The following CPPED1 variants were observed in gnomAD, a reference collection of about 807,000 sequenced individuals.
CPPED1 encodes the protein calcineurin like phosphoesterase domain containing 1.
Under a neutral mutation model 28.0 loss-of-function variants are expected in CPPED1, and 28 were observed. That is an observed-to-expected ratio of 1.00 (90% CI 0.74 to 1.37). CPPED1 has a LOEUF of 1.37. Ranked by LOEUF, CPPED1 falls within the 40% of genes most tolerant of loss-of-function variation. CPPED1 has a pLI of 0.00. For synonymous variants in CPPED1, 198 were observed against 180.2 expected, an observed-to-expected ratio of 1.10 and a Z score of -0.79; for missense variants, 504 against 416.5, an observed-to-expected ratio of 1.21 and a Z score of -1.83.
intron 1 of CPPED1, among the ~76,000 whole-genome samples, chr16:12,792,518 G>A (rs977864650): frequency 1.3e-5 from 2 of 152,040 alleles, no homozygotes; most frequent in Non-Finnish European, 2.9e-5. Context: ...CATACCACAG[G>A]AATCCCCCCA....
intron 3 of CPPED1, among the ~76,000 whole-genome samples, chr16:12,681,252 G>C (rs1037450236): frequency 6.6e-6 from 1 of 152,038 alleles, no homozygotes; most frequent in South Asian, 2.1e-4. Context: ...ATTAGGTCAC[G>C]GGGGCTCTGC....
chr16:12,731,724 CTTTTT>C (rs921139794), intron 2 of CPPED1, among the ~76,000 whole-genome samples: 66 of 144,996 alleles, frequency 4.6e-4, no homozygotes, highest in African/African-American at 1.4e-3. Flanking sequence ...CTTTTTCATT[CTTTTT>C]TTTTTTTAAA....
intron 2 of CPPED1, among the ~76,000 whole-genome samples, chr16:12,730,558 G>C (rs72779061): frequency 0.017 from 2,536 of 152,276 alleles, 29 homozygotes; most frequent in Non-Finnish European, 0.025. Flanking sequence ...ATTAGCAGTG[G>C]AGTGGGTAAA....
chr16:12,683,516 T>C (rs1486772093), intron 3 of CPPED1, among the ~76,000 whole-genome samples: 1 of 152,152 alleles, frequency 6.6e-6, no homozygotes, highest in African/African-American at 2.4e-5. Flanking sequence ...GGACCTCTCT[T>C]CTGGACATCC....
intron 2 of CPPED1, among the ~76,000 whole-genome samples, chr16:12,711,469 TG>T (rs894325770): frequency 2.6e-5 from 4 of 152,170 alleles, no homozygotes; most frequent in Admixed American, 6.5e-5. Context: ...ACACTTAAAA[TG>T]GTTAAGGTGG....
At position 12,709,543 on chromosome 16, in the gene CPPED1, A is replaced by G. The variant is rs138314097; in HGVS notation, c.290-4494T>C. ...TAAAAAGCATGATAACGATAATTAC[A>G]AAATTCTTATTTGTATCAGTGGTAC... On this transcript the variant is annotated intron_variant, in intron 2 of 3. Transcript: ENST00000381774. This position sits in a 1 kb window ranked among gnomAD's most constrained non-coding sequence, Gnocchi z 4.4. Among the ~76,000 whole-genome samples, 1,045 of 152,348 alleles carry G rather than the reference A, an allele frequency of 6.9e-3. 19 individuals carry two copies. The highest frequency in any genetic ancestry group is 0.023 in the African/African-American group (973 of 41,580).
At chr16:12,771,282 G>A (rs1009088383) in intron 2 of CPPED1, among the ~76,000 whole-genome samples, 2 of 152,176 alleles carry the variant, frequency 1.3e-5, no homozygotes, top group Non-Finnish European at 2.9e-5. Flanking sequence ...TCTCAATACA[G>A]ATTTGTTAAA....
Position 12,664,980 on chromosome 16 carries a change from G to T in CPPED1, c.851C>A (p.Thr284Asn). ...DPHGLRVVVV[T>N]AEKIVHRYYS... ...GTATCGGTGAACAATTTTCTCGGCG[G>T]TGACCACCACGACTCGGAGCCCGTG... Residue 284 changes from threonine to asparagine, a missense_variant, in exon 4 of 4, where the codon ACC (threonine) becomes AAC (asparagine). Coordinates refer to ENST00000381774, the MANE Select transcript of CPPED1 (RefSeq NM_018340.3). The surrounding 1 kb of genome is among the most constrained non-coding windows in gnomAD (Gnocchi z 4.2). 1 of 1,611,320 alleles carries T rather than the reference G, an allele frequency of 6.2e-7. No homozygotes were observed. The highest frequency in any genetic ancestry group is 1.3e-5 in the African/African-American group (1 of 74,684).
chr16:12,684,796 C>T (rs777573751), intron 3 of CPPED1, among the ~76,000 whole-genome samples: 2 of 152,146 alleles, frequency 1.3e-5, no homozygotes, highest in East Asian at 1.9e-4. Context: ...TAGCAGAGAG[C>T]GGCCGCTCTG....
chr16:12,737,998 G>A (rs2080235757), intron 2 of CPPED1, among the ~76,000 whole-genome samples: 1 of 152,206 alleles, frequency 6.6e-6, no homozygotes, highest in African/African-American at 2.4e-5. Flanking sequence ...ACGCCTTCCT[G>A]GGGATAAGTG....
At chr16:12,736,111 G>A (rs931141460) in intron 2 of CPPED1, among the ~76,000 whole-genome samples, 2 of 152,100 alleles carry the variant, frequency 1.3e-5, no homozygotes, top group African/African-American at 4.8e-5. Flanking sequence ...GCAGGGCATG[G>A]GGCAGTCCTT....
Position 12,747,891 on chromosome 16 carries a change from C to T in CPPED1, c.289+33294G>A, listed in dbSNP as rs150700897. 5.5e-3 allele frequency among the ~76,000 whole-genome samples: 841 copies of T among 152,206 alleles called. 11 individuals carry two copies. Among genetic ancestry groups the T allele is most frequent in the African/African-American group, 0.019 (778 of 41,526 alleles). ...CTACTGAAAAACTGTTCACTGTGTG[C>T]GCATTTTTAAATGTCTGCCAATTAT... On this transcript the variant is annotated intron_variant, in intron 2 of 3. Transcript: ENST00000381774.
Position 12,661,596 on chromosome 16 carries a change from A to G in CPPED1, c.*3290T>C, listed in dbSNP as rs1427058026. ...TGTTTTTGTTTTTTCCTCCAATTAA[A>G]GTGATTAATTGGAAAGGGGAGCATT... On this transcript the variant is annotated 3_prime_UTR_variant, in exon 4 of 4. Transcript: ENST00000381774. 1.3e-5 allele frequency: 2 copies of G among 152,202 alleles called. No individual in the cohort carries two copies. The highest frequency in any genetic ancestry group is 4.8e-5 in the African/African-American group (2 of 41,446). The allele number at this position is 152,202 out of a possible 1,614,324, so 9.4% of individuals were successfully genotyped here. A position where few individuals can be genotyped will look rare whatever the true frequency, so the allele number is the denominator to read the frequency against.
intron 2 of CPPED1, among the ~76,000 whole-genome samples, chr16:12,719,531 T>A (rs553534242): frequency 6.6e-6 from 1 of 152,272 alleles, no homozygotes; most frequent in East Asian, 1.9e-4. Context: ...AGAAACTGGA[T>A]GTGGTCTCCA....
At chr16:12,793,305 G>A (rs2141245440) in intron 1 of CPPED1, among the ~76,000 whole-genome samples, 1 of 152,308 alleles carries the variant, frequency 6.6e-6, no homozygotes, top group African/African-American at 2.4e-5. Flanking sequence ...GGGCTGTGGA[G>A]ACGCGCTCCA....
rs2079786817 is a variant in CPPED1, at chr16:12,660,316, C to G, written c.*4570G>C. 1 of 152,100 alleles carries G rather than the reference C, an allele frequency of 6.6e-6. No homozygotes were observed. The highest frequency in any genetic ancestry group is 1.9e-4 in the East Asian group (1 of 5,190). 9.4% of individuals were successfully genotyped at this position (152,100 alleles called of 1,614,324 possible). A position where few individuals can be genotyped will look rare whatever the true frequency, so the allele number is the denominator to read the frequency against. ...AATAATGAAGGGTAACATGATTATT[C>G]ACATTTAATCGACTTCATTTACATA... On this transcript the variant is annotated 3_prime_UTR_variant, in exon 4 of 4. Coordinates refer to ENST00000381774, the MANE Select transcript of CPPED1 (RefSeq NM_018340.3).
chr16:12,673,651 C>T (rs1596440374), intron 3 of CPPED1, among the ~76,000 whole-genome samples: 1 of 152,312 alleles, frequency 6.6e-6, no homozygotes, highest in East Asian at 1.9e-4. Flanking sequence ...TCCTCTCCAT[C>T]TGCCCCTCAG....
chr16:12,744,789 T>A (rs75965085), intron 2 of CPPED1, among the ~76,000 whole-genome samples: 2,275 of 152,232 alleles, frequency 0.015, 29 homozygotes, highest in Non-Finnish European at 0.023. Flanking sequence ...AAGACCAGCC[T>A]CCTGGGCAAC....
rs573327633 is a variant in CPPED1, at chr16:12,720,913, G to C, written c.290-15864C>G. Among the ~76,000 whole-genome samples the C allele has an allele frequency of 7.7e-4, 117 of 152,264 alleles. 1 individual carries two copies. Among genetic ancestry groups the C allele is most frequent in the Non-Finnish European group, 1.5e-3 (102 of 68,024 alleles). ...CCCTCAGTTAAACTGTTTTGGCATG[G>C]GGGACTAAAAGTAAACAAGATTTGG... On this transcript the variant is annotated intron_variant, in intron 2 of 3. Transcript: ENST00000381774.
Sources: allele counts gnomAD v4.1 joint callset (sites outside exome capture counted in the v4.1 genomes callset), GRCh38; gene constraint gnomAD v4.1.1; non-coding constraint Gnocchi (gnomAD v3.1); transcripts MANE v1.5; gene names NCBI Gene and HGNC (gene_info 2026-07-23, HGNC 2026-07-21).